The following RAD51AP1 variants were observed in gnomAD, a reference collection of about 807,000 sequenced individuals.
RAD51AP1 encodes the protein RAD51 associated protein 1.
In RAD51AP1, 14 loss-of-function variants were observed where a neutral mutation model predicts 34.3. The observed-to-expected ratio is 0.41, with a 90% CI of 0.27 to 0.64. The LOEUF is 0.64. Among genes scored for constraint, RAD51AP1 ranks in the 30% least tolerant of loss-of-function variants. The probability of loss-of-function intolerance (pLI) is 0.33; values close to 1 mark genes in which losing one functional copy is unlikely to be tolerated. For missense variants in RAD51AP1, 348 were observed against 386.9 expected (o/e 0.90, Z 0.84); for synonymous variants, 114 against 129.8 (o/e 0.88, Z 0.83).
intron 8 of RAD51AP1, among the ~76,000 whole-genome samples, chr12:4,556,942 G>A (rs547579254): frequency 6.6e-6 from 1 of 152,298 alleles, no homozygotes; most frequent in African/African-American, 2.4e-5. Flanking sequence ...TTTAACAAAT[G>A]CCCTAGCAAA....
chr12:4,543,950 A>T, intron 3 of RAD51AP1, 46 bp downstream of exon 3: 1 of 1,475,416 alleles, frequency 6.8e-7, no homozygotes, highest in African/African-American at 1.4e-5. Context: ...AGATGTGTTA[A>T]TTTTAAAGAG....
At chr12:4,557,000 C>T (rs2137295462) in intron 8 of RAD51AP1, among the ~76,000 whole-genome samples, 1 of 152,276 alleles carries the variant, frequency 6.6e-6, no homozygotes, top group South Asian at 2.1e-4. Flanking sequence ...TTCTTTTGCT[C>T]CACAGCCAAG....
intron 7 of RAD51AP1, among the ~76,000 whole-genome samples, chr12:4,554,962 A>G (rs1352355534): frequency 2.0e-5 from 3 of 152,230 alleles, no homozygotes; most frequent in African/African-American, 4.8e-5. Flanking sequence ...GTAACTGTAT[A>G]TGGCTAGCGG....
intron 7 of RAD51AP1, among the ~76,000 whole-genome samples, chr12:4,556,113 T>C (rs1254280099): frequency 6.6e-6 from 1 of 152,180 alleles, no homozygotes. Flanking sequence ...GTGGGGATAG[T>C]AATATCTGTA....
rs1402612431 is a variant in RAD51AP1 at position 4,559,049 on chromosome 12, A to G, written c.*56A>G. ...GAATCACAGCTTTACAAGGGTGTTT[A>G]TATTTGATTTGTGTTTATATTTGAG... On this transcript the variant is annotated 3_prime_UTR_variant, in exon 9 of 9. Coordinates refer to ENST00000352618, the MANE Select transcript of RAD51AP1 (RefSeq NM_006479.5). 6.3e-7 allele frequency: 1 copy of G among 1,576,212 alleles called. No individual in the cohort carries two copies. The highest frequency in any genetic ancestry group is 1.7e-5 in the Admixed American group (1 of 58,100).
At chr12:4,543,634 A>G (rs1944484963) in intron 2 of RAD51AP1, 129 bp from the exon 3 acceptor site, 3 of 610,734 alleles carry the variant, frequency 4.9e-6, no homozygotes, top group Admixed American at 3.7e-5. Context: ...CAAAATACTA[A>G]CAATGATTTT....
chr12:4,539,059 G>A, intron 1 of RAD51AP1, 103 bp downstream of exon 1: 2 of 1,297,682 alleles, frequency 1.5e-6, no homozygotes, highest in Admixed American at 3.7e-5. Context: ...AGCGATGGTG[G>A]GGTTAGGATG....
chr12:4,550,774 G>A (rs542358371), intron 6 of RAD51AP1, among the ~76,000 whole-genome samples: 1 of 152,316 alleles, frequency 6.6e-6, no homozygotes, highest in East Asian at 1.9e-4. Context: ...CAAGTAGCTG[G>A]GACTACAGGC....
At chr12:4,553,639 T>C (rs563074617) in intron 7 of RAD51AP1, among the ~76,000 whole-genome samples, 6 of 81,866 alleles carry the variant, frequency 7.3e-5, no homozygotes, top group Admixed American at 4.2e-4. Context: ...TTTAGGGCCC[T>C]TTTTTTTTTT....
In RAD51AP1 at chr12:4,553,052, A is replaced by G. The variant is rs1451583880; in HGVS notation, c.626A>G (p.Lys209Arg). The G allele has an allele frequency of 6.2e-7, 1 of 1,607,018 alleles. No individual in the cohort carries two copies. Among genetic ancestry groups the G allele is most frequent in the African/African-American group, 1.3e-5 (1 of 74,438 alleles). The change falls in exon 7 of 9, where the codon AAA becomes AGA. Residue 209 changes from lysine to arginine, a missense_variant. Physicochemically the swap from Lys to Arg is conservative, Grantham distance 26. Transcript: ENST00000352618. Reference sequence around the variant, plus strand: ...AATGACGAAGACTTCTCTATGAGAAAAAGTAAAGTTAAAGAAATTAAAAAG... The same window carrying G: ...AATGACGAAGACTTCTCTATGAGAAGAAGTAAAGTTAAAGAAATTAAAAAG... ...EDNDEDFSMR[K>R]SKVKEIKKKE...
chr12:4,549,850 A>T (rs1240696013), intron 6 of RAD51AP1, among the ~76,000 whole-genome samples: 1 of 152,314 alleles, frequency 6.6e-6, no homozygotes, highest in Non-Finnish European at 1.5e-5. Context: ...CTAGCAATCC[A>T]CTTCTGAGTA....
At chr12:4,541,957 T>G in intron 2 of RAD51AP1, 24 bp downstream of exon 2, 8 of 1,463,550 alleles carry the variant, frequency 5.5e-6, no homozygotes, top group Non-Finnish European at 7.4e-6. Flanking sequence ...CTTATTTTTG[T>G]TCTAAAGATT....
chr12:4,559,470 A>G lies in RAD51AP1; in HGVS notation c.*477A>G, dbSNP rs754215592. On this transcript the variant is annotated 3_prime_UTR_variant, in exon 9 of 9. Coordinates refer to ENST00000352618, the MANE Select transcript of RAD51AP1 (RefSeq NM_006479.5). ...TTGTATTTTAGCCAAATCTTTTTATAGTACAAACTTAGAATTATTTTACAC... is the reference window on the plus strand; with the variant it reads ...TTGTATTTTAGCCAAATCTTTTTATGGTACAAACTTAGAATTATTTTACAC... 1 of 152,486 alleles carries G rather than the reference A, an allele frequency of 6.6e-6. No individual in the cohort carries two copies. Among genetic ancestry groups the G allele is most frequent in the Non-Finnish European group, 1.5e-5 (1 of 68,236 alleles). 9.4% of individuals were successfully genotyped at this position (152,486 alleles called of 1,614,324 possible). A position where few individuals can be genotyped will look rare whatever the true frequency, so the allele number is the denominator to read the frequency against.
chr12:4,553,698 G>A (rs745891462), intron 7 of RAD51AP1, among the ~76,000 whole-genome samples: 10 of 149,316 alleles, frequency 6.7e-5, no homozygotes, highest in East Asian at 3.9e-4. Flanking sequence ...ATGATAAAAC[G>A]TTTAAAATTT....
Position 4,548,084 on chromosome 12 carries a change from A to C in RAD51AP1, c.320-8A>C. ...ATCTGAATTTTCTTTCTTATTCCTT[A>C]TATTTAGGCATTGAAAAACATGGCA... On this transcript the variant is annotated splice_polypyrimidine_tract_variant and splice_region_variant and intron_variant, in intron 4 of 8. Transcript: ENST00000352618. The C allele has an allele frequency of 1.3e-6, 2 of 1,585,432 alleles. No individual in the cohort carries two copies. Among genetic ancestry groups the C allele is most frequent in the Non-Finnish European group, 1.7e-6 (2 of 1,172,516 alleles).
At chr12:4,557,760 C>T (rs1253653195) in intron 8 of RAD51AP1, among the ~76,000 whole-genome samples, 5 of 151,984 alleles carry the variant, frequency 3.3e-5, no homozygotes, top group African/African-American at 7.3e-5. Flanking sequence ...GTGATGTAAA[C>T]GAGTGAATTG....
chr12:4,541,900 A>G lies in RAD51AP1; in HGVS notation c.34A>G (p.Asn12Asp), dbSNP rs1342288220. ...TGGTCATAGACATAAGAAACCAGTC[A>G]ATTACTCACAGTTTGACCACTCTGA... ...VRPVRHKKPV[N>D]YSQFDHSDSD... The change falls in exon 2 of 9, where the codon AAT becomes GAT. Residue 12 changes from asparagine to aspartate, a missense_variant. Coordinates refer to ENST00000352618, the MANE Select transcript of RAD51AP1 (RefSeq NM_006479.5). 3.9e-6 allele frequency: 6 copies of G among 1,520,156 alleles called. No individual in the cohort carries two copies. Among genetic ancestry groups the G allele is most frequent in the Non-Finnish European group, 5.3e-6 (6 of 1,130,780 alleles). The allele number at this position is 1,520,156 out of a possible 1,614,324, so 94.2% of individuals were successfully genotyped here. A position where few individuals can be genotyped will look rare whatever the true frequency, so the allele number is the denominator to read the frequency against.
chr12:4,551,510 A>AAAAT (rs1171103801), intron 6 of RAD51AP1, among the ~76,000 whole-genome samples: 1 of 151,722 alleles, frequency 6.6e-6, no homozygotes, highest in Non-Finnish European at 1.5e-5. Flanking sequence ...AAAAAAAAAA[A>AAAAT]AGCAAGATTA....
At chr12:4,547,849 A>G (rs1313936245) in intron 4 of RAD51AP1, among the ~76,000 whole-genome samples, 1 of 152,220 alleles carries the variant, frequency 6.6e-6, no homozygotes, top group African/African-American at 2.4e-5. Flanking sequence ...CAGTCTTAGG[A>G]TAAGCAACTT....
Sources: allele counts gnomAD v4.1 joint callset (sites outside exome capture counted in the v4.1 genomes callset), GRCh38; gene constraint gnomAD v4.1.1; transcripts MANE v1.5; gene names NCBI Gene and HGNC (gene_info 2026-07-23, HGNC 2026-07-21).